Variants in LMX1A observed in about 807,000 individuals in gnomAD.
LMX1A encodes the protein LIM homeobox transcription factor 1-alpha.
In LMX1A, 15 loss-of-function variants were observed where a neutral mutation model predicts 49.1. The ratio of observed to expected loss-of-function variants is 0.31; its 90% CI spans 0.20 to 0.47. The LOEUF is 0.47. Ranked by LOEUF, LMX1A falls within the 20% of genes least tolerant of loss-of-function variation. LMX1A has a pLI of 1.00. For missense variants in LMX1A, 372 were observed against 475.8 expected, an observed-to-expected ratio of 0.78 and a Z score of 2.03; for synonymous variants, 167 against 185.7, an observed-to-expected ratio of 0.90 and a Z score of 0.82.
At chr1:165,217,120 T>G (rs1439045863) in intron 4 of LMX1A, among the ~76,000 whole-genome samples, 1 of 152,214 alleles carries the variant, frequency 6.6e-6, no homozygotes, top group African/African-American at 2.4e-5. Flanking sequence ...TTCATTTCTC[T>G]CTCTTTGCAG....
At chr1:165,254,428 C>A (rs1267021940) in intron 3 of LMX1A, among the ~76,000 whole-genome samples, 2 of 150,992 alleles carry the variant, frequency 1.3e-5, no homozygotes, top group Non-Finnish European at 3.0e-5. Flanking sequence ...TTTCTTCTCT[C>A]CTTCTGTTTT....
intron 3 of LMX1A, among the ~76,000 whole-genome samples, chr1:165,293,581 A>G (rs907668955): frequency 1.3e-5 from 2 of 152,254 alleles, no homozygotes; most frequent in Admixed American, 6.5e-5. Context: ...GTTGTTAAGC[A>G]TGTTGTGTGT....
At chr1:165,301,143 G>C (rs1242405515) in intron 3 of LMX1A, among the ~76,000 whole-genome samples, 1 of 148,540 alleles carries the variant, frequency 6.7e-6, no homozygotes, top group East Asian at 1.9e-4. Flanking sequence ...GAACCCGTGG[G>C]GCAGCTACAC....
chr1:165,344,974 C>T (rs905023042), intron 3 of LMX1A, among the ~76,000 whole-genome samples: 2 of 152,192 alleles, frequency 1.3e-5, no homozygotes, highest in African/African-American at 4.8e-5. Flanking sequence ...CAAACAAAGA[C>T]ATATTCGGAC....
chr1:165,333,312 C>A (rs949959024), intron 3 of LMX1A, among the ~76,000 whole-genome samples: 1 of 152,160 alleles, frequency 6.6e-6, no homozygotes. Flanking sequence ...CATGTGCCAC[C>A]ACGCCCGGCT....
chr1:165,354,828 T>G (rs1007801950), intron 2 of LMX1A, among the ~76,000 whole-genome samples: 2 of 152,182 alleles, frequency 1.3e-5, no homozygotes, highest in Admixed American at 1.3e-4. Context: ...AATCTCTGGC[T>G]TCAGCTCTGC....
At chr1:165,294,249 CTCTT>C (rs1654554766) in intron 3 of LMX1A, among the ~76,000 whole-genome samples, 1 of 150,770 alleles carries the variant, frequency 6.6e-6, no homozygotes, top group African/African-American at 2.5e-5. Flanking sequence ...CGAGCCCAGG[CTCTT>C]TCAGCTGAAC....
chr1:165,237,968 C>G (rs1490036702), intron 4 of LMX1A, among the ~76,000 whole-genome samples: 1 of 152,180 alleles, frequency 6.6e-6, no homozygotes, highest in Non-Finnish European at 1.5e-5. Context: ...AAGTGAGTCC[C>G]TGGTCATTTA....
In LMX1A at chr1:165,242,947, AC is replaced by A. The variant is rs373441268; in HGVS notation, c.496+6460del. Among the ~76,000 whole-genome samples, 824 of 143,366 alleles carry A rather than the reference AC, an allele frequency of 5.7e-3. 18 individuals are homozygous for A. Among genetic ancestry groups the A allele is most frequent in the African/African-American group, 9.2e-3 (362 of 39,276 alleles). 94.1% of individuals were successfully genotyped at this position (143,366 alleles called of 152,430 possible). On this transcript the variant is annotated intron_variant, in intron 4 of 8. Coordinates refer to ENST00000342310, the MANE Select transcript of LMX1A (RefSeq NM_177398.4). ...TCCACCTCAAAAAAAAAAAAAAAAA[AC>A]AAAACAAAAACATAAAACAACTAAT...
chr1:165,257,614 G>A lies in LMX1A; in HGVS notation c.264-7974C>T, dbSNP rs12568430. ...TCTACTGTGACTCCAAAGAGATTGG[G>A]AAACAAGACAAATCTTGCTGGAACC... On this transcript the variant is annotated intron_variant, in intron 3 of 8. Coordinates refer to ENST00000342310, the MANE Select transcript of LMX1A (RefSeq NM_177398.4). Among the ~76,000 whole-genome samples the A allele has an allele frequency of 8.2e-4, 125 of 152,270 alleles. 3 individuals carry two copies. In the East Asian group the frequency reaches 0.012, roughly 15 times the overall value.
At chr1:165,205,772 T>C in intron 8 of LMX1A, 92 bp downstream of exon 8, 1 of 1,229,704 alleles carries the variant, frequency 8.1e-7, no homozygotes, top group Non-Finnish European at 1.2e-6. Flanking sequence ...GGAACTTCGG[T>C]GAGCATCTGG....
At chr1:165,279,025 G>T (rs1654054591) in intron 3 of LMX1A, among the ~76,000 whole-genome samples, 1 of 152,200 alleles carries the variant, frequency 6.6e-6, no homozygotes, top group Admixed American at 6.5e-5. Context: ...GTTCATGGGG[G>T]CACTTTCTGG....
intron 3 of LMX1A, among the ~76,000 whole-genome samples, chr1:165,293,290 CAACT>C (rs1427756444): frequency 6.6e-6 from 1 of 152,182 alleles, no homozygotes; most frequent in African/African-American, 2.4e-5. Flanking sequence ...AGTGCACAAT[CAACT>C]AACATTGGAT....
intron 3 of LMX1A, among the ~76,000 whole-genome samples, chr1:165,346,179 G>A (rs745428119): frequency 6.6e-6 from 1 of 152,176 alleles, no homozygotes; most frequent in Non-Finnish European, 1.5e-5. Flanking sequence ...AGCTCTCAGA[G>A]ATAGGCAGAT....
At chr1:165,255,215 T>A (rs1653194840) in intron 3 of LMX1A, among the ~76,000 whole-genome samples, 1 of 152,248 alleles carries the variant, frequency 6.6e-6, no homozygotes, top group Non-Finnish European at 1.5e-5. Flanking sequence ...AAGAGACCTA[T>A]GCGCTTAGCT....
chr1:165,348,530 A>G (rs1656319924), intron 3 of LMX1A, among the ~76,000 whole-genome samples: 1 of 152,196 alleles, frequency 6.6e-6, no homozygotes, highest in African/African-American at 2.4e-5. Context: ...ACATCAGTTT[A>G]TTGCCTAGCT....
intron 8 of LMX1A, 27 bp downstream of exon 8, chr1:165,205,837 G>A (rs775815824): frequency 6.8e-6 from 11 of 1,610,152 alleles, no homozygotes; most frequent in Non-Finnish European, 8.5e-6. Flanking sequence ...GTTATGAGAG[G>A]GCCCGAGGGG....
At chr1:165,311,565 T>C (rs556313775) in intron 3 of LMX1A, among the ~76,000 whole-genome samples, 4 of 152,262 alleles carry the variant, frequency 2.6e-5, no homozygotes, top group African/African-American at 9.6e-5. Flanking sequence ...TGCCTGAAGA[T>C]AGGCATACCA....
At position 165,249,326 on chromosome 1, in the gene LMX1A, T is replaced by C. The variant is rs537473270; in HGVS notation, c.496+82A>G. ...GCTAGGCTGCCCTGGAGGCTGGCCA[T>C]CTAGGGAAGAAACAATGCAGACAGC... On this transcript the variant is annotated intron_variant, in intron 4 of 8. Transcript: ENST00000342310. 7 of 962,256 alleles carry C rather than the reference T, an allele frequency of 7.3e-6. No homozygotes were observed. In the South Asian group the frequency reaches 9.9e-5, roughly 14 times the overall value. 59.6% of individuals were successfully genotyped at this position (962,256 alleles called of 1,614,324 possible).
Sources: gnomAD v4.1 joint callset for allele counts (sites outside exome capture counted in the v4.1 genomes callset) on GRCh38, gnomAD v4.1.1 for gene constraint, MANE v1.5 for transcripts, NCBI Gene and HGNC (gene_info 2026-07-23, HGNC 2026-07-21) for gene names.